PCDHGB2: variants seen among roughly 807,000 people sequenced by gnomAD.
PCDHGB2 encodes the protein protocadherin gamma subfamily B, 2.
PCDHGB2 carries 55 observed loss-of-function variants against 59.3 expected under a neutral mutation model. That is an observed-to-expected ratio of 0.93 (90% CI 0.75 to 1.16). The LOEUF (loss-of-function observed/expected upper bound fraction) is 1.16. Ranked by LOEUF, PCDHGB2 falls within the 50% of genes most tolerant of loss-of-function variation. PCDHGB2 has a pLI of 0.00. For missense variants in PCDHGB2, 1,228 were observed against 1,198.5 expected (o/e 1.02, Z -0.36); for synonymous variants, 516 against 512.0 (o/e 1.01, Z -0.11).
chr5:141,483,904 T>A (rs11750647), intron 1 of PCDHGB2, among the ~76,000 whole-genome samples: 24,531 of 151,676 alleles, frequency 0.16, 2,105 homozygotes, highest in African/African-American at 0.21. Context: ...CTCTGGTGTG[T>A]TTCCCACTCA....
At chr5:141,427,573 T>C in intron 1 of PCDHGB2, 1 of 667,160 alleles carries the variant, frequency 1.5e-6, no homozygotes, top group Non-Finnish European at 2.8e-6. Context: ...AAGCCTCCGC[T>C]CTCATCCAGC....
intron 1 of PCDHGB2, chr5:141,419,071 A>G: frequency 6.2e-7 from 1 of 1,614,006 alleles, no homozygotes; most frequent in South Asian, 1.1e-5. Flanking sequence ...ACTACAAGCT[A>G]GTAACAGATG....
intron 1 of PCDHGB2, chr5:141,412,334 T>C (rs371361193): frequency 2.0e-5 from 3 of 152,262 alleles, no homozygotes; most frequent in Admixed American, 1.3e-4. Flanking sequence ...GCAACTGTAA[T>C]ATATGTTCAT....
intron 1 of PCDHGB2, among the ~76,000 whole-genome samples, chr5:141,459,724 T>C (rs1440632046): frequency 6.6e-6 from 1 of 152,250 alleles, no homozygotes; most frequent in Non-Finnish European, 1.5e-5. Context: ...TGCTTCCTAT[T>C]GTCAATTTTT....
At position 141,490,258 on chromosome 5, in the gene PCDHGB2, G is replaced by A. The variant is rs776865457; in HGVS notation, c.2422-4549G>A. Reference sequence around the variant, plus strand: ...GGGCCACTGTGTGATTCAAGTGGATGTGGGGGATGTCAATGACAATGCCCC... The same window carrying A: ...GGGCCACTGTGTGATTCAAGTGGATATGGGGGATGTCAATGACAATGCCCC... On this transcript the variant is annotated intron_variant, in intron 1 of 3. Transcript: ENST00000522605. The surrounding 1 kb of genome is among the most constrained non-coding windows in gnomAD (Gnocchi z 5.4). 6.2e-7 allele frequency: 1 copy of A among 1,614,136 alleles called. No homozygotes were observed.
At chr5:141,369,056 A>G (rs1051777432) in intron 1 of PCDHGB2, among the ~76,000 whole-genome samples, 7 of 152,212 alleles carry the variant, frequency 4.6e-5, no homozygotes, top group Non-Finnish European at 5.9e-5. Flanking sequence ...TACATTATGT[A>G]GGCTAAAGAT....
chr5:141,374,179 C>G, intron 1 of PCDHGB2: 1 of 1,613,664 alleles, frequency 6.2e-7, no homozygotes, highest in East Asian at 2.2e-5. Flanking sequence ...CGCAGATCCG[C>G]TACTCTATTC....
intron 1 of PCDHGB2, among the ~76,000 whole-genome samples, chr5:141,425,003 T>C (rs75915888): frequency 0.036 from 5,431 of 152,274 alleles, 181 homozygotes; most frequent in African/African-American, 0.084. Context: ...AGTTTAGTTT[T>C]CTCATTTAGG....
rs200348921 is a variant in PCDHGB2 at position 141,374,104 on chromosome 5, T to G, written c.2421+11548T>G. 296 of 1,570,490 alleles carry G rather than the reference T, an allele frequency of 1.9e-4. No individual in the cohort carries two copies. Among genetic ancestry groups the G allele is most frequent in the Non-Finnish European group, 2.4e-4 (283 of 1,156,394 alleles). On this transcript the variant is annotated intron_variant, in intron 1 of 3. Transcript: ENST00000522605. ...CAGTAATGGCGCCTCCGCAGAGGCA[T>G]CCGCAGCGCAGCGAGCAGGTCCTGC...
Position 141,404,841 on chromosome 5 carries a change from G to A in PCDHGB2, c.2421+42285G>A, listed in dbSNP as rs765291212. The stretch of plus-strand genomic sequence containing the variant: ...CACACAGGTGAAGTGCGCACAGCTC[G>A]GGCCCTGCTAGATAGAGATGCGCTC... On this transcript the variant is annotated intron_variant, in intron 1 of 3. Coordinates refer to ENST00000522605, the MANE Select transcript of PCDHGB2 (RefSeq NM_018923.3). 1.1e-5 allele frequency: 17 copies of A among 1,613,886 alleles called. No individual in the cohort carries two copies. Among genetic ancestry groups the A allele is most frequent in the Non-Finnish European group, 1.4e-5 (16 of 1,179,920 alleles).
At chr5:141,365,414 C>G (rs568315403) in intron 1 of PCDHGB2, 2 of 1,613,988 alleles carry the variant, frequency 1.2e-6, no homozygotes, top group East Asian at 2.2e-5. Flanking sequence ...AGACTGTCTT[C>G]CCGGAACTGT....
intron 1 of PCDHGB2, chr5:141,478,480 G>T: frequency 2.5e-6 from 4 of 1,613,564 alleles, no homozygotes; most frequent in Non-Finnish European, 3.4e-6. Flanking sequence ...GCCAGAACAC[G>T]CTGCGGAGCT....
intron 1 of PCDHGB2, chr5:141,418,010 G>A: frequency 6.2e-7 from 1 of 1,613,914 alleles, no homozygotes; most frequent in African/African-American, 1.3e-5. Flanking sequence ...GGGGAACCTC[G>A]CTAAGGATCT....
At chr5:141,496,808 G>A (rs1387209844) in intron 2 of PCDHGB2, among the ~76,000 whole-genome samples, 3 of 151,736 alleles carry the variant, frequency 2.0e-5, no homozygotes, top group South Asian at 4.2e-4. Flanking sequence ...GGCTATAGGA[G>A]TGAACAAGTA....
intron 1 of PCDHGB2, chr5:141,415,308 C>G (rs2154545628): frequency 6.2e-7 from 1 of 1,614,236 alleles, no homozygotes; most frequent in Non-Finnish European, 8.5e-7. Context: ...TCCTGGCCTT[C>G]GTCATCGTGC....
intron 1 of PCDHGB2, among the ~76,000 whole-genome samples, chr5:141,453,288 ATTATTTAT>A (rs577328880): frequency 6.6e-6 from 1 of 151,342 alleles, no homozygotes; most frequent in Non-Finnish European, 1.5e-5. Context: ...TAATTTTTTA[ATTATTTAT>A]TTATTTATTT....
chr5:141,428,114 C>T (rs2097111703), intron 1 of PCDHGB2: 1 of 1,607,084 alleles, frequency 6.2e-7, no homozygotes, highest in Admixed American at 1.7e-5. Context: ...TGCAGGCCAT[C>T]GAGCCCGGGC....
At chr5:141,428,532 C>T (rs1561836699) in intron 1 of PCDHGB2, 7 of 277,518 alleles carry the variant, frequency 2.5e-5, no homozygotes, top group Non-Finnish European at 5.0e-5. Context: ...TTAATTTTCT[C>T]ACCATGACAC....
intron 2 of PCDHGB2, among the ~76,000 whole-genome samples, chr5:141,500,187 TA>T (rs56304898): frequency 0.051 from 5,679 of 110,700 alleles, 126 homozygotes; most frequent in Middle Eastern, 0.14. Flanking sequence ...TTTTTATTTT[TA>T]TTTATTTATT....
Sources: allele counts gnomAD v4.1 joint callset (sites outside exome capture counted in the v4.1 genomes callset), GRCh38; gene constraint gnomAD v4.1.1; non-coding constraint Gnocchi (gnomAD v3.1); transcripts MANE v1.5; gene names NCBI Gene and HGNC (gene_info 2026-07-23, HGNC 2026-07-21).